Variants in MYH3 observed in about 807,000 individuals in gnomAD.
The protein encoded by MYH3 is myosin-3.
MYH3 carries 130 observed loss-of-function variants against 238.0 expected under a neutral mutation model. The ratio of observed to expected loss-of-function variants is 0.55; its 90% CI spans 0.47 to 0.63. The LOEUF (loss-of-function observed/expected upper bound fraction) is 0.63. Ranked by LOEUF, MYH3 falls within the 30% of genes least tolerant of loss-of-function variation. The pLI, the probability that MYH3 is intolerant of heterozygous loss-of-function variation, is 0.00. For synonymous variants in MYH3, 880 were observed against 924.1 expected (o/e 0.95, Z 0.86); for missense variants, 1,853 against 2,374.9 (o/e 0.78, Z 4.57).
rs1050778138 is a variant in MYH3 at position 10,638,349 on chromosome 17, G to A, written c.3423C>T (p.Ala1141=). Residue 1141 remains alanine, a synonymous_variant, in exon 27 of 41, where the codon GCC becomes GCT. Transcript: ENST00000583535. The part of the protein sequence containing the change: ...AKTEKQRSDY[A]RELEELSERL... ...GCTCGCTCAGCTCCTCCAGCTCCCG[G>A]GCATAGTCGCTGCGCTGTTTCTCTG... 4.3e-6 allele frequency: 7 copies of A among 1,609,606 alleles called. No homozygotes were observed. The African/African-American group carries it at 8.0e-5, about 18-fold the overall frequency.
chr17:10,630,119 C>G lies in MYH3; in HGVS notation c.5535G>C (p.Glu1845Asp), dbSNP rs995994088. ...GGTACGTCAGCTCCTTGACCCTCCG[C>G]TCATACTTCCTCAGGCCCTTAACAG... Reference protein sequence around the residue: ...TESVKGLRKYERRVKELTYQS... With the variant: ...TESVKGLRKYDRRVKELTYQS... The change falls in exon 38 of 41, where the codon GAG (glutamate) becomes GAC (aspartate). Residue 1845 changes from glutamate (E) to aspartate (D), a missense_variant. Physicochemically the swap from Glu to Asp is conservative, Grantham distance 45. Coordinates refer to ENST00000583535, the MANE Select transcript of MYH3 (RefSeq NM_002470.4). 4 of 1,614,030 alleles carry G rather than the reference C, an allele frequency of 2.5e-6. No individual in the cohort carries two copies. The Admixed American group carries it at 5.0e-5, about 20-fold the overall frequency.
chr17:10,663,929 G>A, the MYH3 span, among the ~76,000 whole-genome samples: 1 of 151,872 alleles, frequency 6.6e-6, no homozygotes, highest in East Asian at 1.9e-4. Flanking sequence ...TGGATGTGGT[G>A]GCGTGCACCT....
At chr17:10,675,861 A>G in the MYH3 span, 1 of 152,142 alleles carries the variant, frequency 6.6e-6, no homozygotes, top group Non-Finnish European at 1.5e-5. Context: ...GTCTTTCCCT[A>G]GGGTTGTGTC....
intron 30 of MYH3, 88 bp downstream of exon 30, chr17:10,635,279 C>T (rs772490113): frequency 3.9e-5 from 62 of 1,603,346 alleles, no homozygotes; most frequent in Non-Finnish European, 5.0e-5. Context: ...TTTAAAGACA[C>T]ATGAGATGGG....
At position 10,640,206 on chromosome 17, in the gene MYH3, G is replaced by A. The variant is rs757063447; in HGVS notation, c.2472C>T (p.Asn824=). ...GTTTCATCCAGGGCCAGTGCTTGAC[G>A]TTCATGAATGAGCGAATGTTGTACT... ...CIQYNIRSFM[N]VKHWPWMKLF... The change falls in exon 22 of 41, where the codon AAC becomes AAT. Residue 824 remains asparagine, a synonymous_variant. Coordinates refer to ENST00000583535, the MANE Select transcript of MYH3 (RefSeq NM_002470.4). 62 of 1,614,048 alleles carry A rather than the reference G, an allele frequency of 3.8e-5. No individual in the cohort carries two copies. Among genetic ancestry groups the A allele is most frequent in the Non-Finnish European group, 4.7e-5 (55 of 1,180,056 alleles).
intron 36 of MYH3, among the ~76,000 whole-genome samples, chr17:10,631,316 T>C (rs2074154421): frequency 6.6e-6 from 1 of 152,328 alleles, no homozygotes; most frequent in Middle Eastern, 3.4e-3. Flanking sequence ...GTGTGGGATA[T>C]TAACACCTCA....
Position 10,629,973 on chromosome 17 carries a change from AG to A in MYH3, c.5563-37del, listed in dbSNP as rs770925491. On this transcript the variant is annotated intron_variant, in intron 38 of 40. Transcript: ENST00000583535. ...GAAAGTGGGAATGTCACTGGAGAGG[AG>A]GGGGCAGATTTGCACACGGCATGGG... The A allele has an allele frequency of 5.3e-5, 86 of 1,612,028 alleles. 1 individual carries two copies.
At chr17:10,676,638 T>C in the MYH3 span, 4 of 152,182 alleles carry the variant, frequency 2.6e-5, no homozygotes, top group Admixed American at 6.5e-5. Flanking sequence ...AATGTTCTCA[T>C]GAAATAGTGC....
the MYH3 span, chr17:10,677,291 G>A: frequency 3.0e-4 from 46 of 152,164 alleles, no homozygotes; most frequent in African/African-American, 1.1e-3. Context: ...GCCTGCGTGA[G>A]AAGAGCGAGA....
intron 17 of MYH3, 86 bp from the exon 18 acceptor site, chr17:10,641,458 T>C (rs1012684955): frequency 7.8e-6 from 8 of 1,025,744 alleles, no homozygotes; most frequent in Non-Finnish European, 1.2e-5. Flanking sequence ...AAGATCTATG[T>C]TTAAAATTTA....
rs1186652287 is a variant in MYH3, at chr17:10,630,439, T to A, written c.5306A>T (p.Glu1769Val). Residue 1769 changes from glutamate (E) to valine (V), a missense_variant, in exon 37 of 41, where the codon GAG becomes GTG. Glu to Val is a moderately radical substitution (Grantham distance 121, BLOSUM62 -2). Around this residue, in one of 3 missense-constraint regions of MYH3, gnomAD observed 1,044 missense variants for 1,192.6 expected, o/e 0.88. Coordinates refer to ENST00000583535, the MANE Select transcript of MYH3 (RefSeq NM_002470.4). ...GCTGGTGTCCTGCTCCTTCTTCAGC[T>A]CCTCCGCCATCATGGCAGCCTGAAA... ...AITDAAMMAEELKKEQDTSAH... is the reference protein window; with the variant it reads ...AITDAAMMAEVLKKEQDTSAH... 1 of 1,614,104 alleles carries A rather than the reference T, an allele frequency of 6.2e-7. No individual in the cohort carries two copies. Among genetic ancestry groups the A allele is most frequent in the Non-Finnish European group, 8.5e-7 (1 of 1,180,016 alleles).
intron 19 of MYH3, 74 bp from the exon 20 acceptor site, chr17:10,640,760 C>G: frequency 6.4e-7 from 1 of 1,553,968 alleles, no homozygotes; most frequent in Non-Finnish European, 8.8e-7. Context: ...TAGTTCAGGC[C>G]TCTCTTCCTA....
At position 10,632,940 on chromosome 17, in the gene MYH3, A is replaced by G. The variant is rs372871753; in HGVS notation, c.4648-156T>C. Among the ~76,000 whole-genome samples, 26 of 152,356 alleles carry G rather than the reference A, an allele frequency of 1.7e-4. 1 individual carries two copies. The East Asian group carries it at 2.9e-3, about 17-fold the overall frequency. ...AAATGTCCCCAAATTGGCCGGGTGC[A>G]GTGGTTCACACCTGTAATCCCAGCA... is the stretch of plus-strand genomic sequence containing the variant. On this transcript the variant is annotated intron_variant, in intron 33 of 40. Coordinates refer to ENST00000583535, the MANE Select transcript of MYH3 (RefSeq NM_002470.4).
rs1383149527 is a variant in MYH3 at position 10,629,680 on chromosome 17, C to G, written c.5713G>C (p.Glu1905Gln). ...ATATCCGCACGTTCCTCGGCCTCCT[C>G]CAGCTCATGCTGAGCCTTTCGGAAT... ...TKFRKAQHEL[E>Q]EAEERADIAE... The change falls in exon 40 of 41, where the codon GAG (glutamate) becomes CAG (glutamine). Residue 1905 changes from glutamate to glutamine, a missense_variant. By Grantham distance (29) the Glu-to-Gln change is conservative (BLOSUM62 2). This residue lies in a region of MYH3 where 1,044 missense variants were observed against 1,192.6 expected (regional missense o/e 0.88). Coordinates refer to ENST00000583535, the MANE Select transcript of MYH3 (RefSeq NM_002470.4). 1.2e-6 allele frequency: 2 copies of G among 1,614,114 alleles called. No homozygotes were observed. Among genetic ancestry groups the G allele is most frequent in the Admixed American group, 1.7e-5 (1 of 60,016 alleles).
At chr17:10,630,647 C>A (rs1036187613) in intron 36 of MYH3, among the ~76,000 whole-genome samples, 189 bp from the exon 37 acceptor site, 6 of 152,164 alleles carry the variant, frequency 3.9e-5, no homozygotes, top group Non-Finnish European at 8.8e-5. Context: ...GTCAGGAGTT[C>A]AAGACCAGCC....
chr17:10,652,210 G>A (rs2074382757), intron 4 of MYH3: 4 of 669,954 alleles, frequency 6.0e-6, no homozygotes, highest in East Asian at 3.0e-5. Context: ...CCCGCTCTCC[G>A]GCTCCTGGTC....
At position 10,654,329 on chromosome 17, in the gene MYH3, C is replaced by G. The variant is rs1423868339; in HGVS notation, c.204+532G>C. 6.6e-6 allele frequency among the ~76,000 whole-genome samples: 1 copy of G among 152,126 alleles called. No homozygotes were observed. The highest frequency in any genetic ancestry group is 2.4e-5 in the African/African-American group (1 of 41,410). On this transcript the variant is annotated intron_variant, in intron 3 of 40. Transcript: ENST00000583535. The surrounding 1 kb of genome is among the most constrained non-coding windows in gnomAD (Gnocchi z 4.5). ...TTAGAAACTAGTGAGCTCCAGAATTCCTCGCAGCACCCCCACAGTGGCTTG... is the reference window on the plus strand; with the variant it reads ...TTAGAAACTAGTGAGCTCCAGAATTGCTCGCAGCACCCCCACAGTGGCTTG...
chr17:10,670,471 G>A, the MYH3 span, among the ~76,000 whole-genome samples: 7 of 151,920 alleles, frequency 4.6e-5, no homozygotes, highest in Non-Finnish European at 7.4e-5. This position sits in a 1 kb window ranked among gnomAD's most constrained non-coding sequence, Gnocchi z 7.0. Flanking sequence ...AATTTACAGT[G>A]TTTTGTTTGT....
At chr17:10,669,692 C>T in the MYH3 span, among the ~76,000 whole-genome samples, 1 of 152,082 alleles carries the variant, frequency 6.6e-6, no homozygotes, top group East Asian at 1.9e-4. Context: ...TCTCTTGAGC[C>T]CAGGAATTTA....
Sources: allele counts gnomAD v4.1 joint callset (sites outside exome capture counted in the v4.1 genomes callset), GRCh38; gene constraint gnomAD v4.1.1; regional missense constraint gnomAD v4.1.1; non-coding constraint Gnocchi (gnomAD v3.1); transcripts MANE v1.5; gene names NCBI Gene and HGNC (gene_info 2026-07-23, HGNC 2026-07-21).